The following CDH18 variants were observed in gnomAD, a reference collection of about 807,000 sequenced individuals.
The protein encoded by CDH18 is cadherin-18.
CDH18 carries 31 observed loss-of-function variants against 67.9 expected under a neutral mutation model. That is an observed-to-expected ratio of 0.46 (90% CI 0.34 to 0.62). CDH18 has a LOEUF of 0.62. CDH18 is among the 20% of genes least tolerant of loss of function. The pLI is 0.01. For missense variants in CDH18, 890 were observed against 975.5 expected (o/e 0.91, Z 1.17); for synonymous variants, 362 against 347.2 (o/e 1.04, Z -0.48).
chr5:19,800,846 T>C (rs1052563488), intron 3 of CDH18, among the ~76,000 whole-genome samples: 1 of 152,210 alleles, frequency 6.6e-6, no homozygotes, highest in South Asian at 2.1e-4. Context: ...ATGACAGGCA[T>C]GTACTACATT....
chr5:19,942,678 T>C (rs1794936966), intron 2 of CDH18, among the ~76,000 whole-genome samples: 2 of 152,178 alleles, frequency 1.3e-5, no homozygotes, highest in Non-Finnish European at 2.9e-5. Flanking sequence ...AATTTTGACC[T>C]ATCTCCTTTA....
At chr5:20,376,469 G>T (rs1387341557) in intron 1 of CDH18, among the ~76,000 whole-genome samples, 1 of 150,550 alleles carries the variant, frequency 6.6e-6, no homozygotes, top group South Asian at 2.1e-4. Context: ...ATATGTGTTT[G>T]CTTTCAATTG....
intron 2 of CDH18, among the ~76,000 whole-genome samples, chr5:19,949,691 T>C (rs1194711776): frequency 6.6e-6 from 1 of 152,166 alleles, no homozygotes; most frequent in Non-Finnish European, 1.5e-5. Flanking sequence ...TTCATTTACT[T>C]GTCTGAATAG....
At chr5:20,510,790 C>A (rs1754984584) in intron 1 of CDH18, among the ~76,000 whole-genome samples, 1 of 152,048 alleles carries the variant, frequency 6.6e-6, no homozygotes, top group Non-Finnish European at 1.5e-5. Context: ...AAGGAAATGA[C>A]ATGTTGGATG....
chr5:20,161,263 C>T (rs1458833136), intron 2 of CDH18, among the ~76,000 whole-genome samples: 1 of 152,216 alleles, frequency 6.6e-6, no homozygotes, highest in Non-Finnish European at 1.5e-5. Context: ...CCAACACAGT[C>T]AACTTGGTGT....
chr5:20,480,953 A>T (rs1360412436), intron 1 of CDH18, among the ~76,000 whole-genome samples: 1 of 152,192 alleles, frequency 6.6e-6, no homozygotes, highest in African/African-American at 2.4e-5. Flanking sequence ...ACCACAAAAA[A>T]TGGAAACAAA....
chr5:20,538,915 T>TG (rs1756891301), intron 1 of CDH18, among the ~76,000 whole-genome samples: 1 of 143,396 alleles, frequency 7.0e-6, no homozygotes, highest in Admixed American at 7.2e-5. Context: ...TTTTGTTTTT[T>TG]TTTTTTTTTG....
chr5:20,489,741 G>A (rs1345194227), intron 1 of CDH18, among the ~76,000 whole-genome samples: 1 of 151,788 alleles, frequency 6.6e-6, no homozygotes, highest in Admixed American at 6.6e-5. Flanking sequence ...GCAGCTCTGG[G>A]TTGAAATTTC....
chr5:20,113,490 A>C (rs1243432932), intron 2 of CDH18, among the ~76,000 whole-genome samples: 1 of 152,232 alleles, frequency 6.6e-6, no homozygotes, highest in Non-Finnish European at 1.5e-5. Flanking sequence ...GATTGATTGC[A>C]TTCTCAAGCC....
intron 2 of CDH18, among the ~76,000 whole-genome samples, chr5:20,062,909 C>A (rs1400281747): frequency 6.6e-6 from 1 of 151,310 alleles, no homozygotes; most frequent in Non-Finnish European, 1.5e-5. Context: ...GTAAATTATT[C>A]TTCATTTAAA....
At chr5:19,595,346 A>T (rs1247277060) in intron 6 of CDH18, among the ~76,000 whole-genome samples, 2 of 152,246 alleles carry the variant, frequency 1.3e-5, no homozygotes, top group African/African-American at 4.8e-5. Flanking sequence ...TAAAAAGACA[A>T]ATAAATGGAA....
intron 2 of CDH18, among the ~76,000 whole-genome samples, chr5:20,036,060 G>A (rs1739832995): frequency 6.6e-6 from 1 of 151,946 alleles, no homozygotes; most frequent in African/African-American, 2.4e-5. Flanking sequence ...ATATTAGAAA[G>A]TCATTAAGGC....
intron 1 of CDH18, among the ~76,000 whole-genome samples, chr5:20,344,188 A>C (rs901125417): frequency 6.6e-6 from 1 of 152,080 alleles, no homozygotes; most frequent in Non-Finnish European, 1.5e-5. Flanking sequence ...CACCTAGAAA[A>C]GAATAAAACT....
chr5:20,406,243 C>T (rs1746240804), intron 1 of CDH18, among the ~76,000 whole-genome samples: 1 of 152,130 alleles, frequency 6.6e-6, no homozygotes, highest in African/African-American at 2.4e-5. Flanking sequence ...CCACGGAATA[C>T]TATGCAGCCA....
intron 5 of CDH18, among the ~76,000 whole-genome samples, chr5:19,640,033 A>G (rs986701291): frequency 3.9e-5 from 6 of 152,220 alleles, no homozygotes; most frequent in African/African-American, 1.4e-4. Context: ...TATCTTTTAA[A>G]TGGAGAGAAA....
chr5:20,383,254 T>G (rs1744060939), intron 1 of CDH18, among the ~76,000 whole-genome samples: 1 of 152,164 alleles, frequency 6.6e-6, no homozygotes, highest in African/African-American at 2.4e-5. Context: ...GAGTTAGTAT[T>G]AAGTCCACTT....
chr5:19,586,751 A>G (rs1424563805), intron 7 of CDH18, among the ~76,000 whole-genome samples: 2 of 152,188 alleles, frequency 1.3e-5, no homozygotes, highest in Non-Finnish European at 2.9e-5. Flanking sequence ...ATCAAATGGT[A>G]GTTCTGCCTC....
At chr5:19,921,485 C>T (rs1176250266) in intron 2 of CDH18, among the ~76,000 whole-genome samples, 21 of 150,416 alleles carry the variant, frequency 1.4e-4, no homozygotes, top group African/African-American at 3.4e-4. Flanking sequence ...GAGCCGAGAT[C>T]GCTCCACTGC....
intron 2 of CDH18, among the ~76,000 whole-genome samples, chr5:20,188,907 A>G (rs1040834638): frequency 1.3e-5 from 2 of 150,070 alleles, no homozygotes; most frequent in African/African-American, 4.9e-5. Flanking sequence ...TTGAACAGGT[A>G]ATATTTTGAT....
Sources: gnomAD v4.1 joint callset for allele counts (sites outside exome capture counted in the v4.1 genomes callset) on GRCh38, gnomAD v4.1.1 for gene constraint, MANE v1.5 for transcripts, NCBI Gene and HGNC (gene_info 2026-07-23, HGNC 2026-07-21) for gene names.